The following WDPCP variants were observed in gnomAD, a reference collection of about 807,000 sequenced individuals.
WDPCP encodes WD repeat containing planar cell polarity effector, also known as WD repeat-containing and planar cell polarity effector protein fritz homolog.
A neutral mutation model predicts 93.1 loss-of-function variants in WDPCP; 71 were observed. The observed-to-expected ratio is 0.76, with a 90% CI of 0.63 to 0.93. The LOEUF (loss-of-function observed/expected upper bound fraction) is 0.93. Ranked by LOEUF, WDPCP falls within the 40% of genes least tolerant of loss-of-function variation. WDPCP has a pLI of 0.00. For synonymous variants in WDPCP, 315 were observed against 315.0 expected, an observed-to-expected ratio of 1.00 and a Z score of 0.00; for missense variants, 844 against 887.4, an observed-to-expected ratio of 0.95 and a Z score of 0.62.
chr2:63,172,466 C>T (rs1172231498), intron 15 of WDPCP, among the ~76,000 whole-genome samples: 2 of 152,106 alleles, frequency 1.3e-5, no homozygotes, highest in African/African-American at 4.8e-5. Context: ...CATGATCGCA[C>T]CACTGCATTC....
intron 12 of WDPCP, among the ~76,000 whole-genome samples, chr2:63,318,686 T>A (rs994485963): frequency 7.2e-5 from 11 of 152,252 alleles, no homozygotes; most frequent in African/African-American, 2.6e-4. Flanking sequence ...TACCCCATGT[T>A]CTCTCTTATA....
chr2:63,329,737 T>C (rs1055022665), intron 12 of WDPCP, among the ~76,000 whole-genome samples: 2 of 152,176 alleles, frequency 1.3e-5, no homozygotes, highest in Non-Finnish European at 2.9e-5. Flanking sequence ...TAACATCTCT[T>C]CTTTTCCAGA....
chr2:63,219,474 T>G (rs1677635064), intron 14 of WDPCP, among the ~76,000 whole-genome samples: 1 of 152,196 alleles, frequency 6.6e-6, no homozygotes, highest in Non-Finnish European at 1.5e-5. Flanking sequence ...AACCCCAGAT[T>G]AAAGTTGAAG....
intron 13 of WDPCP, among the ~76,000 whole-genome samples, chr2:63,289,073 T>C (rs190050190): frequency 3.7e-4 from 57 of 152,278 alleles, no homozygotes; most frequent in Admixed American, 1.0e-3. Flanking sequence ...TAACAGGGCA[T>C]CTGCCAGCCT....
chr2:63,587,223 G>T (rs1371413463), intron 1 of WDPCP, among the ~76,000 whole-genome samples: 1 of 152,140 alleles, frequency 6.6e-6, no homozygotes, highest in African/African-American at 2.4e-5. Context: ...TTGAAGTGAT[G>T]CAACTTATGA....
chr2:63,647,233 G>A (rs1359529622), intron 3 of WDPCP, among the ~76,000 whole-genome samples: 2 of 152,090 alleles, frequency 1.3e-5, no homozygotes, highest in Non-Finnish European at 2.9e-5. Context: ...TGCCTTCTGG[G>A]TTCAAACGAT....
chr2:63,607,602 G>A (rs937608958), intron 3 of WDPCP, among the ~76,000 whole-genome samples: 16 of 151,740 alleles, frequency 1.1e-4, no homozygotes, highest in Admixed American at 3.3e-4. Context: ...AGGCAGAGGC[G>A]GGCGGATCAC....
chr2:63,380,094 G>A (rs1342545724), intron 11 of WDPCP, among the ~76,000 whole-genome samples: 1 of 151,906 alleles, frequency 6.6e-6, no homozygotes, highest in East Asian at 1.9e-4. Context: ...ATTCACTAAG[G>A]TGCTAGCAAT....
chr2:63,343,194 G>C (rs1174250630), intron 12 of WDPCP, among the ~76,000 whole-genome samples: 1 of 151,888 alleles, frequency 6.6e-6, no homozygotes, highest in African/African-American at 2.4e-5. Flanking sequence ...TTTTAGTAGA[G>C]ATGAGGTTTT....
chr2:63,732,241 T>C lies in WDPCP; in HGVS notation n.308+81381A>G, dbSNP rs145870277. Among the ~76,000 whole-genome samples the C allele has an allele frequency of 5.7e-3, 870 of 152,342 alleles. 13 individuals carry two copies. Among genetic ancestry groups the C allele is most frequent in the African/African-American group, 0.02 (811 of 41,576 alleles). ...AAAGAATGAGCAACATGAGCTGTTA[T>C]GGATGCCAACAAAATTAAAATGGGA... On this transcript the variant is annotated intron_variant and non_coding_transcript_variant, in intron 2 of 4. Transcript: ENST00000467687.
intron 1 of WDPCP, among the ~76,000 whole-genome samples, chr2:63,820,713 G>T (rs1327652167): frequency 2.0e-5 from 3 of 151,992 alleles, no homozygotes; most frequent in African/African-American, 7.3e-5. Context: ...TTTAGGAAAC[G>T]GTGGTTTTTT....
intron 2 of WDPCP, among the ~76,000 whole-genome samples, chr2:63,672,084 T>C (rs1710354567): frequency 6.6e-6 from 1 of 152,194 alleles, no homozygotes; most frequent in South Asian, 2.1e-4. Flanking sequence ...ATCTCTACAT[T>C]ATAGGGGGTC....
chr2:63,329,508 G>A (rs1044249429), intron 12 of WDPCP, among the ~76,000 whole-genome samples: 1 of 151,966 alleles, frequency 6.6e-6, no homozygotes, highest in Non-Finnish European at 1.5e-5. Context: ...ATTTAATTCT[G>A]CTAAGAATTA....
chr2:63,633,557 C>A, intron 3 of WDPCP, among the ~76,000 whole-genome samples: 1 of 151,562 alleles, frequency 6.6e-6, no homozygotes, highest in East Asian at 1.9e-4. Context: ...TTATGGAAGC[C>A]GCATGGTAAC....
At chr2:63,508,630 C>A (rs1702035476) in intron 1 of WDPCP, among the ~76,000 whole-genome samples, 1 of 152,120 alleles carries the variant, frequency 6.6e-6, no homozygotes, top group South Asian at 2.1e-4. Flanking sequence ...AATTAAAGGG[C>A]ACAGACTGGC....
intron 2 of WDPCP, among the ~76,000 whole-genome samples, chr2:63,738,411 G>A: frequency 9.3e-6 from 1 of 107,498 alleles, no homozygotes; most frequent in African/African-American, 3.1e-5. Flanking sequence ...GCTTGTTCAG[G>A]GGACCACCCC....
At chr2:63,660,848 T>C (rs1407818716) in intron 2 of WDPCP, among the ~76,000 whole-genome samples, 1 of 152,246 alleles carries the variant, frequency 6.6e-6, no homozygotes, top group East Asian at 1.9e-4. Flanking sequence ...ACTCTTCATA[T>C]AAGAATTAAA....
At chr2:63,509,599 T>TA (rs1458825719) in intron 1 of WDPCP, among the ~76,000 whole-genome samples, 2 of 151,722 alleles carry the variant, frequency 1.3e-5, no homozygotes, top group Non-Finnish European at 2.9e-5. Context: ...TTGAAGGAGA[T>TA]AGAGACACAA....
intron 14 of WDPCP, among the ~76,000 whole-genome samples, chr2:63,223,252 G>T (rs1469319792): frequency 6.6e-6 from 1 of 152,126 alleles, no homozygotes; most frequent in Non-Finnish European, 1.5e-5. Context: ...ATTGGGCAAT[G>T]CATTTGCAAC....
Sources: gnomAD v4.1 joint callset for allele counts (sites outside exome capture counted in the v4.1 genomes callset) on GRCh38, gnomAD v4.1.1 for gene constraint, MANE v1.5 for transcripts, NCBI Gene and HGNC (gene_info 2026-07-23, HGNC 2026-07-21) for gene names.